The following CNTN5 variants were observed in gnomAD, a reference collection of about 807,000 sequenced individuals.
CNTN5 encodes the protein contactin 5.
In CNTN5, 77 loss-of-function variants were observed where a neutral mutation model predicts 129.1. That is an observed-to-expected ratio of 0.60 (90% CI 0.50 to 0.72). The LOEUF is 0.72. Among genes scored for constraint, CNTN5 ranks in the 30% least tolerant of loss-of-function variants. CNTN5 has a pLI of 0.00. For synonymous variants in CNTN5, 509 were observed against 465.6 expected (o/e 1.09, Z -1.20); for missense variants, 1,478 against 1,328.8 (o/e 1.11, Z -1.75).
intron 3 of CNTN5, among the ~76,000 whole-genome samples, chr11:99,786,105 C>G (rs942692254): frequency 1.3e-5 from 2 of 151,980 alleles, no homozygotes; most frequent in Non-Finnish European, 2.9e-5. Flanking sequence ...TTTAGAAAAC[C>G]CCGTCGTCTC....
intron 9 of CNTN5, among the ~76,000 whole-genome samples, chr11:100,055,967 TTC>T (rs566974707): frequency 2.0e-3 from 304 of 151,766 alleles, no homozygotes; most frequent in African/African-American, 7.1e-3. Flanking sequence ...TTTATGTATT[TTC>T]TGTCTCCCTT....
intron 6 of CNTN5, among the ~76,000 whole-genome samples, chr11:99,847,262 C>T (rs996765461): frequency 6.6e-6 from 1 of 152,100 alleles, no homozygotes; most frequent in Non-Finnish European, 1.5e-5. Flanking sequence ...TATGACTGTC[C>T]TAGGTTTTCT....
At chr11:100,053,007 T>C (rs1943033107) in intron 9 of CNTN5, among the ~76,000 whole-genome samples, 1 of 151,734 alleles carries the variant, frequency 6.6e-6, no homozygotes, top group African/African-American at 2.4e-5. Flanking sequence ...CACTGTTAAA[T>C]AAGTTGATCC....
At chr11:99,264,954 T>C (rs961209212) in intron 1 of CNTN5, among the ~76,000 whole-genome samples, 10 of 152,074 alleles carry the variant, frequency 6.6e-5, no homozygotes, top group African/African-American at 2.2e-4. Context: ...TTGAATGTAC[T>C]GAAGATCCTT....
chr11:100,294,767 A>T (rs2138874497), intron 18 of CNTN5, among the ~76,000 whole-genome samples: 1 of 151,754 alleles, frequency 6.6e-6, no homozygotes, highest in Middle Eastern at 3.4e-3. Flanking sequence ...TTTACACCAT[A>T]AGCGCTCCGA....
intron 8 of CNTN5, among the ~76,000 whole-genome samples, chr11:99,963,897 A>G (rs372377268): frequency 3.3e-5 from 5 of 151,832 alleles, no homozygotes; most frequent in South Asian, 2.1e-4. Flanking sequence ...TGGATTCCTA[A>G]GTATTTTATT....
chr11:99,727,312 C>CAAAAAAAAAAAAAAAAAAAAAAAAAAA (rs397936738), intron 3 of CNTN5, among the ~76,000 whole-genome samples: 5 of 24,284 alleles, frequency 2.1e-4, no homozygotes, highest in South Asian at 2.8e-3. Flanking sequence ...GACTCCGTCT[C>CAAAAAAAAAAAAAAAAAAAAAAAAAAA]AAAAAAAAAA....
At chr11:99,090,591 T>C (rs973714412) in intron 1 of CNTN5, among the ~76,000 whole-genome samples, 3 of 151,726 alleles carry the variant, frequency 2.0e-5, no homozygotes, top group African/African-American at 4.8e-5. Context: ...TGTTGTGAAA[T>C]GTTTCTGTAT....
At chr11:99,796,921 G>A (rs1945962668) in intron 3 of CNTN5, among the ~76,000 whole-genome samples, 1 of 151,990 alleles carries the variant, frequency 6.6e-6, no homozygotes, top group Non-Finnish European at 1.5e-5. Flanking sequence ...AGGATTCCAG[G>A]GGTCAGTTGT....
chr11:99,939,263 G>A (rs981251086), intron 7 of CNTN5, among the ~76,000 whole-genome samples: 26 of 151,802 alleles, frequency 1.7e-4, no homozygotes, highest in African/African-American at 6.1e-4. Flanking sequence ...CCTTTATTAT[G>A]TTTACTATAA....
intron 15 of CNTN5, among the ~76,000 whole-genome samples, chr11:100,210,898 C>T (rs541531781): frequency 1.3e-5 from 2 of 152,228 alleles, no homozygotes; most frequent in South Asian, 2.1e-4. Flanking sequence ...ATTGTGTATT[C>T]GTCTTCACAG....
intron 3 of CNTN5, among the ~76,000 whole-genome samples, chr11:99,691,196 A>T (rs1954026727): frequency 6.6e-6 from 1 of 151,332 alleles, no homozygotes; most frequent in South Asian, 2.1e-4. Context: ...TCAAAAAAAA[A>T]ACCAGCACCT....
intron 2 of CNTN5, among the ~76,000 whole-genome samples, chr11:99,490,817 G>T (rs1034918064): frequency 7.2e-5 from 11 of 152,084 alleles, no homozygotes; most frequent in Non-Finnish European, 1.5e-5. Flanking sequence ...TTGCTCCACT[G>T]GGTGTTAACT....
At chr11:99,862,844 A>C (rs373220320) in intron 6 of CNTN5, among the ~76,000 whole-genome samples, 1 of 152,044 alleles carries the variant, frequency 6.6e-6, no homozygotes, top group Non-Finnish European at 1.5e-5. Context: ...AATAAATGAG[A>C]TGATTTTTCT....
chr11:100,032,633 T>C (rs1365274803), intron 9 of CNTN5, among the ~76,000 whole-genome samples: 1 of 152,120 alleles, frequency 6.6e-6, no homozygotes, highest in African/African-American at 2.4e-5. Flanking sequence ...GTTATGACTT[T>C]GTTATGCAAT....
intron 2 of CNTN5, among the ~76,000 whole-genome samples, chr11:99,471,389 A>G (rs994949979): frequency 6.6e-6 from 1 of 151,952 alleles, no homozygotes; most frequent in Non-Finnish European, 1.5e-5. Context: ...TCTGGATCAT[A>G]TTTTCACCTC....
intron 6 of CNTN5, among the ~76,000 whole-genome samples, chr11:99,883,170 G>A (rs557835558): frequency 6.6e-6 from 1 of 152,284 alleles, no homozygotes; most frequent in Non-Finnish European, 1.5e-5. Context: ...AAACAGTGCT[G>A]CAACAAACAT....
intron 7 of CNTN5, among the ~76,000 whole-genome samples, chr11:99,935,051 A>G (rs551543473): frequency 6.6e-6 from 1 of 150,608 alleles, no homozygotes; most frequent in African/African-American, 2.4e-5. Flanking sequence ...TCTCCAGCAT[A>G]TATCTTCACA....
chr11:100,014,034 A>G (rs977910300), intron 9 of CNTN5, among the ~76,000 whole-genome samples: 4 of 152,174 alleles, frequency 2.6e-5, no homozygotes, highest in Non-Finnish European at 2.9e-5. Context: ...AGAAAGATCA[A>G]TTTAGAACTT....
Sources: allele counts gnomAD v4.1 joint callset (sites outside exome capture counted in the v4.1 genomes callset), GRCh38; gene constraint gnomAD v4.1.1; transcripts MANE v1.5; gene names NCBI Gene and HGNC (gene_info 2026-07-23, HGNC 2026-07-21).